The following MATN2 variants were observed in gnomAD, a reference collection of about 807,000 sequenced individuals.
MATN2 encodes matrilin 2.
MATN2 carries 69 observed loss-of-function variants against 103.2 expected under a neutral mutation model. The observed-to-expected ratio is 0.67, with a 90% CI of 0.55 to 0.82. MATN2 has a LOEUF of 0.82. Among genes scored for constraint, MATN2 ranks in the 40% least tolerant of loss-of-function variants. MATN2 has a pLI of 0.00. For synonymous variants in MATN2, 429 were observed against 450.2 expected (o/e 0.95, Z 0.60); for missense variants, 1,023 against 1,211.5 (o/e 0.84, Z 2.31).
At chr8:97,927,197 G>T (rs576307423) in intron 2 of MATN2, among the ~76,000 whole-genome samples, 4 of 152,268 alleles carry the variant, frequency 2.6e-5, no homozygotes, top group South Asian at 4.2e-4. Flanking sequence ...AGGCTGCAGT[G>T]CAATGGCATG....
chr8:97,991,094 G>C (rs184964070), intron 6 of MATN2, among the ~76,000 whole-genome samples: 9,280 of 152,222 alleles, frequency 0.061, 923 homozygotes, highest in African/African-American at 0.21. Flanking sequence ...AAGAGAGGCT[G>C]TGGAAATGTT....
At chr8:97,911,293 A>C (rs1469248377) in intron 2 of MATN2, among the ~76,000 whole-genome samples, 2 of 152,160 alleles carry the variant, frequency 1.3e-5, no homozygotes, top group Admixed American at 1.3e-4. Context: ...AACTTAGTTT[A>C]TTTAGAGCCA....
intron 1 of MATN2, among the ~76,000 whole-genome samples, chr8:97,872,708 G>A (rs1448170655): frequency 1.3e-5 from 2 of 151,640 alleles, no homozygotes; most frequent in East Asian, 1.9e-4. Context: ...CCTGACTCTC[G>A]TGTCTCCCTC....
rs1231126624 is a variant in MATN2 at position 97,982,771 on chromosome 8, CCAT to C, written c.1081+3766_1081+3768del. Among the ~76,000 whole-genome samples the C allele has an allele frequency of 1.3e-5, 2 of 152,184 alleles. No individual in the cohort carries two copies. Among genetic ancestry groups the C allele is most frequent in the Non-Finnish European group, 2.9e-5 (2 of 68,040 alleles). ...GGAGAAAGGTGGAAACACACAGGTA[CCAT>C]CAGTTTGCAAAAAGTTAGCAAGACT... On this transcript the variant is annotated intron_variant, in intron 6 of 18. Coordinates refer to ENST00000254898, the MANE Select transcript of MATN2 (RefSeq NM_002380.5). This position sits in a 1 kb window ranked among gnomAD's most constrained non-coding sequence, Gnocchi z 4.3.
At chr8:97,885,146 A>G (rs1022325185) in intron 1 of MATN2, among the ~76,000 whole-genome samples, 2 of 152,184 alleles carry the variant, frequency 1.3e-5, no homozygotes, top group East Asian at 3.8e-4. Flanking sequence ...CACACACCAC[A>G]TCATATTCCA....
chr8:97,885,243 T>C (rs546865461), intron 1 of MATN2, among the ~76,000 whole-genome samples: 1 of 152,346 alleles, frequency 6.6e-6, no homozygotes, highest in African/African-American at 2.4e-5. Flanking sequence ...AGACTTTTTA[T>C]CTGCTCGGTT....
intron 6 of MATN2, among the ~76,000 whole-genome samples, chr8:97,986,902 G>A (rs976228056): frequency 5.9e-5 from 9 of 152,004 alleles, no homozygotes; most frequent in African/African-American, 1.7e-4. Flanking sequence ...GCGCGATCTC[G>A]GCTCACTGCA....
chr8:97,970,800 A>T (rs937114625), intron 5 of MATN2, among the ~76,000 whole-genome samples: 3 of 152,136 alleles, frequency 2.0e-5, no homozygotes, highest in Non-Finnish European at 4.4e-5. Flanking sequence ...AATAAAAAAA[A>T]ATCAGCTGGG....
At chr8:98,004,738 A>C (rs2130382626) in intron 8 of MATN2, among the ~76,000 whole-genome samples, 1 of 152,380 alleles carries the variant, frequency 6.6e-6, no homozygotes, top group East Asian at 1.9e-4. Flanking sequence ...GAGCAGAATC[A>C]AGAAACATGG....
intron 5 of MATN2, among the ~76,000 whole-genome samples, chr8:97,973,854 C>A (rs892753470): frequency 2.0e-5 from 3 of 151,808 alleles, no homozygotes; most frequent in Non-Finnish European, 2.9e-5. Context: ...ATATAAAAAT[C>A]TTTTTTGCAT....
At chr8:97,898,975 C>T (rs1563653655) in intron 2 of MATN2, among the ~76,000 whole-genome samples, 1 of 151,882 alleles carries the variant, frequency 6.6e-6, no homozygotes, top group African/African-American at 2.4e-5. Flanking sequence ...AGGCTGTTCT[C>T]GAACTCCTGA....
At chr8:97,992,617 G>T (rs1421444875) in intron 6 of MATN2, among the ~76,000 whole-genome samples, 2 of 151,618 alleles carry the variant, frequency 1.3e-5, no homozygotes, top group Non-Finnish European at 1.5e-5. Context: ...ACAGTGGCAG[G>T]CGCCTGTAAT....
chr8:98,007,598 G>A lies in MATN2; in HGVS notation c.1570G>A (p.Ala524Thr), dbSNP rs758373477. ...HVLRSDGKTC[A>T]KLDSCALGDH... ...GCTCCGCAGCGATGGGAAGACGTGT[G>A]CAAGTAAGTGTCTGAAGGACAAGCA... The change falls in exon 10 of 19, where the codon GCA becomes ACA. Residue 524 changes from alanine (A) to threonine (T), a missense_variant. Transcript: ENST00000254898. The surrounding 1 kb of genome is among the most constrained non-coding windows in gnomAD (Gnocchi z 4.2). The A allele has an allele frequency of 1.9e-6, 3 of 1,609,704 alleles. No homozygotes were observed. Among genetic ancestry groups the A allele is most frequent in the Non-Finnish European group, 2.6e-6 (3 of 1,176,412 alleles).
intron 5 of MATN2, among the ~76,000 whole-genome samples, chr8:97,975,812 GACAA>G (rs1811817730): frequency 1.3e-5 from 2 of 152,332 alleles, no homozygotes; most frequent in East Asian, 1.9e-4. Flanking sequence ...CAACTCCTGT[GACAA>G]ACAGACTGGA....
intron 6 of MATN2, among the ~76,000 whole-genome samples, chr8:97,991,090 G>A (rs1563711870): frequency 6.6e-6 from 1 of 152,146 alleles, no homozygotes; most frequent in African/African-American, 2.4e-5. Flanking sequence ...CACAAAGAGA[G>A]GCTGTGGAAA....
intron 5 of MATN2, among the ~76,000 whole-genome samples, chr8:97,967,920 A>C (rs72677089): frequency 0.18 from 27,128 of 152,190 alleles, 2,815 homozygotes; most frequent in Non-Finnish European, 0.23. Flanking sequence ...ATGAGGCTTC[A>C]CCCCTGCAGC....
intron 14 of MATN2, 146 bp from the exon 15 acceptor site, chr8:98,030,316 G>C (rs1456271426): frequency 1.6e-6 from 1 of 633,532 alleles, no homozygotes; most frequent in Non-Finnish European, 2.7e-6. Context: ...AAATAAAAAT[G>C]GTAGAAAAAT....
intron 18 of MATN2, 59 bp from the exon 19 acceptor site, chr8:98,035,598 T>C: frequency 9.3e-7 from 1 of 1,070,272 alleles, no homozygotes; most frequent in Non-Finnish European, 1.4e-6. Flanking sequence ...ATAAATCAAG[T>C]TATATTTAAA....
intron 3 of MATN2, among the ~76,000 whole-genome samples, chr8:97,941,186 G>GAAAAA (rs1274606689): frequency 4.3e-5 from 3 of 70,084 alleles, no homozygotes; most frequent in Admixed American, 2.0e-4. Context: ...AAAAAAAAAA[G>GAAAAA]AAAGAAAGAA....
Sources: allele counts gnomAD v4.1 joint callset (sites outside exome capture counted in the v4.1 genomes callset), GRCh38; gene constraint gnomAD v4.1.1; non-coding constraint Gnocchi (gnomAD v3.1); transcripts MANE v1.5; gene names NCBI Gene and HGNC (gene_info 2026-07-23, HGNC 2026-07-21).